CHCHD6: variants seen among roughly 807,000 people sequenced by gnomAD.
CHCHD6 encodes the protein coiled-coil-helix-coiled-coil-helix domain containing 6, also known as MICOS complex subunit MIC25.
In CHCHD6, 28 loss-of-function variants were observed where a neutral mutation model predicts 32.3. The ratio of observed to expected loss-of-function variants is 0.87; its 90% confidence interval spans 0.64 to 1.19. The LOEUF is 1.19. CHCHD6 is among the 50% of genes most tolerant of loss of function. The pLI is 0.00. For synonymous variants in CHCHD6, 122 were observed against 117.5 expected, an observed-to-expected ratio of 1.04 and a Z score of -0.25; for missense variants, 333 against 307.0, an observed-to-expected ratio of 1.08 and a Z score of -0.63.
At chr3:126,706,536 A>G (rs933885993) in intron 1 of CHCHD6, among the ~76,000 whole-genome samples, 3 of 152,112 alleles carry the variant, frequency 2.0e-5, no homozygotes, top group Non-Finnish European at 4.4e-5. Context: ...ACTGGAAGGA[A>G]CTTTGGTGAC....
chr3:126,732,996 G>C, intron 3 of CHCHD6, 82 bp from the exon 4 acceptor site: 2 of 1,484,526 alleles, frequency 1.3e-6, no homozygotes, highest in Non-Finnish European at 1.9e-6. Context: ...GGTGGCTGAA[G>C]TGAGTGCGCA....
At chr3:126,781,397 A>C (rs1208982449) in intron 4 of CHCHD6, among the ~76,000 whole-genome samples, 1 of 152,212 alleles carries the variant, frequency 6.6e-6, no homozygotes, top group Non-Finnish European at 1.5e-5. Flanking sequence ...GACAATATTC[A>C]TTCTTGCCTG....
rs373429914 is a variant in CHCHD6, at chr3:126,821,172, G to A, written c.412-31475G>A. On this transcript the variant is annotated intron_variant, in intron 4 of 7. Coordinates refer to ENST00000290913, the MANE Select transcript of CHCHD6 (RefSeq NM_032343.3). ...GTATCAGTGCTTTATTCCTTTTGAT[G>A]GCTGAATAATATTCTGTTGTATAGA... is the stretch of plus-strand genomic sequence containing the variant. 4.6e-5 allele frequency among the ~76,000 whole-genome samples: 7 copies of A among 152,226 alleles called. No individual in the cohort carries two copies. The East Asian group carries it at 1.4e-3, about 29-fold the overall frequency.
chr3:126,847,422 G>T (rs1160912575), intron 4 of CHCHD6, among the ~76,000 whole-genome samples: 1 of 152,164 alleles, frequency 6.6e-6, no homozygotes, highest in Non-Finnish European at 1.5e-5. Flanking sequence ...AGTGGTAGTG[G>T]ACGCAGCTCA....
intron 5 of CHCHD6, among the ~76,000 whole-genome samples, chr3:126,902,541 C>T (rs2077943759): frequency 6.6e-6 from 1 of 151,954 alleles, no homozygotes; most frequent in Non-Finnish European, 1.5e-5. Flanking sequence ...ATGGTGAAAC[C>T]CTGTCTCTAC....
At chr3:126,737,781 G>A (rs1936113524) in intron 4 of CHCHD6, among the ~76,000 whole-genome samples, 2 of 152,134 alleles carry the variant, frequency 1.3e-5, no homozygotes, top group South Asian at 4.1e-4. Flanking sequence ...ACGCATTTGG[G>A]GAGGATGAGG....
intron 4 of CHCHD6, among the ~76,000 whole-genome samples, chr3:126,836,882 G>A (rs769216601): frequency 6.6e-6 from 1 of 152,186 alleles, no homozygotes; most frequent in Non-Finnish European, 1.5e-5. Flanking sequence ...ACTGTTGGAC[G>A]CCAGGAGCAA....
At chr3:126,895,128 T>C (rs2077819965) in intron 5 of CHCHD6, among the ~76,000 whole-genome samples, 1 of 152,252 alleles carries the variant, frequency 6.6e-6, no homozygotes, top group African/African-American at 2.4e-5. Flanking sequence ...TTCTCTGTTG[T>C]ATATATAAAC....
intron 7 of CHCHD6, chr3:126,957,917 G>A (rs980425509): frequency 2.2e-5 from 8 of 371,506 alleles, no homozygotes; most frequent in South Asian, 9.5e-5. Flanking sequence ...GCAGAGGCCC[G>A]AGTGCAGAGT....
chr3:126,742,033 A>G (rs1936307892), intron 4 of CHCHD6, among the ~76,000 whole-genome samples: 1 of 152,200 alleles, frequency 6.6e-6, no homozygotes, highest in African/African-American at 2.4e-5. Flanking sequence ...AGGGTCTGCT[A>G]GAGAAGAGAA....
chr3:126,731,658 G>A (rs1342751912), intron 3 of CHCHD6, among the ~76,000 whole-genome samples: 1 of 152,094 alleles, frequency 6.6e-6, no homozygotes, highest in Non-Finnish European at 1.5e-5. Flanking sequence ...CAGCTTAGGG[G>A]GCCCAGTGTC....
chr3:126,925,238 G>C (rs1170067359), intron 6 of CHCHD6, among the ~76,000 whole-genome samples: 1 of 151,996 alleles, frequency 6.6e-6, no homozygotes, highest in Non-Finnish European at 1.5e-5. Flanking sequence ...GATTGGAGAG[G>C]CTCCAGAAGG....
At chr3:126,743,345 A>C (rs909102237) in intron 4 of CHCHD6, among the ~76,000 whole-genome samples, 3 of 152,154 alleles carry the variant, frequency 2.0e-5, no homozygotes, top group Admixed American at 2.0e-4. Flanking sequence ...CCATTACCAA[A>C]TCACAGGTCT....
chr3:126,857,226 G>T (rs1359211247), intron 5 of CHCHD6, among the ~76,000 whole-genome samples: 1 of 152,178 alleles, frequency 6.6e-6, no homozygotes. Flanking sequence ...CCCATATGCA[G>T]GCTTCCTGTG....
intron 4 of CHCHD6, among the ~76,000 whole-genome samples, chr3:126,796,549 G>A (rs140647935): frequency 6.6e-6 from 1 of 152,064 alleles, no homozygotes; most frequent in Non-Finnish European, 1.5e-5. Flanking sequence ...TTAAATCTCT[G>A]AGAATTGTCA....
chr3:126,865,658 T>C, intron 5 of CHCHD6: 1 of 985,196 alleles, frequency 1.0e-6, no homozygotes, highest in Non-Finnish European at 1.2e-6. Context: ...CTACTACTAT[T>C]ATCACCTCCC....
At chr3:126,763,409 C>A (rs1408834510) in intron 4 of CHCHD6, among the ~76,000 whole-genome samples, 3 of 151,478 alleles carry the variant, frequency 2.0e-5, no homozygotes, top group Admixed American at 6.6e-5. Flanking sequence ...TCACTGTAAT[C>A]TCAAACTTCT....
chr3:126,719,754 C>T lies in CHCHD6; in HGVS notation c.88-7324C>T, dbSNP rs550607263. On this transcript the variant is annotated intron_variant, in intron 1 of 7. Transcript: ENST00000290913. The stretch of plus-strand genomic sequence containing the variant: ...CAGTGCTGTTGCTCACTGCTTCTAG[C>T]GCATTGCCATCACAGTGAGTGCCTC... Among the ~76,000 whole-genome samples the T allele has an allele frequency of 6.2e-4, 95 of 152,288 alleles. 1 individual carries two copies. Among genetic ancestry groups the T allele is most frequent in the Admixed American group, 6.1e-3 (94 of 15,304 alleles).
chr3:126,902,105 A>G (rs2077936957), intron 5 of CHCHD6, among the ~76,000 whole-genome samples: 1 of 152,238 alleles, frequency 6.6e-6, no homozygotes, highest in South Asian at 2.1e-4. Flanking sequence ...TACAACAACG[A>G]TTCTCAACAT....
Sources: allele counts gnomAD v4.1 joint callset (sites outside exome capture counted in the v4.1 genomes callset), GRCh38; gene constraint gnomAD v4.1.1; transcripts MANE v1.5; gene names NCBI Gene and HGNC (gene_info 2026-07-23, HGNC 2026-07-21).